Variants in DOCK2 observed in about 807,000 individuals in gnomAD.
The protein encoded by DOCK2 is dedicator of cytokinesis protein 2.
A neutral mutation model predicts 248.9 loss-of-function variants in DOCK2; 87 were observed. The observed-to-expected ratio is 0.35, with a 90% CI of 0.29 to 0.42. The LOEUF is 0.42. DOCK2 is among the 10% of genes least tolerant of loss of function. The pLI, the probability that DOCK2 is intolerant of heterozygous loss-of-function variation, is 1.00. For synonymous variants in DOCK2, 805 were observed against 821.6 expected (o/e 0.98, Z 0.35); for missense variants, 1,747 against 2,300.2 (o/e 0.76, Z 4.92).
At chr5:169,750,303 G>A (rs1200744519) in intron 23 of DOCK2, among the ~76,000 whole-genome samples, 1 of 152,224 alleles carries the variant, frequency 6.6e-6, no homozygotes, top group Admixed American at 6.5e-5. Flanking sequence ...AGAAGGCAGG[G>A]AAAGAAAGAA....
chr5:169,925,028 T>G (rs1449501406), intron 27 of DOCK2, among the ~76,000 whole-genome samples: 1 of 152,240 alleles, frequency 6.6e-6, no homozygotes, highest in Non-Finnish European at 1.5e-5. Flanking sequence ...AATTAAATCA[T>G]CAATAATATT....
Position 169,670,476 on chromosome 5 carries a change from T to C in DOCK2, c.169-66T>C. On this transcript the variant is annotated intron_variant, in intron 3 of 51. Transcript: ENST00000520908. Reference sequence around the variant, plus strand: ...GGAAAAAAATTATAAAGACGTAGGGTCATTCATTTCTGTGGTGATATATCT... The same window carrying C: ...GGAAAAAAATTATAAAGACGTAGGGCCATTCATTTCTGTGGTGATATATCT... The C allele has an allele frequency of 1.9e-6, 3 of 1,566,722 alleles. 1 individual carries two copies. The Middle Eastern group carries it at 5.5e-4, about 289-fold the overall frequency.
At chr5:169,985,981 T>C in intron 29 of DOCK2, 59 bp downstream of exon 29, 1 of 1,453,912 alleles carries the variant, frequency 6.9e-7, no homozygotes, top group Non-Finnish European at 9.4e-7. Flanking sequence ...CAAAGATCAC[T>C]TATTTTGGGT....
At chr5:169,670,987 G>A (rs558254773) in intron 4 of DOCK2, 91 bp from the exon 5 acceptor site, 22 of 1,046,650 alleles carry the variant, frequency 2.1e-5, no homozygotes, top group South Asian at 1.0e-4. Context: ...AGGCCCCTCC[G>A]CAGCTGCAGC....
intron 27 of DOCK2, chr5:169,980,170 T>C (rs1362095213): frequency 5.9e-5 from 9 of 151,988 alleles, no homozygotes; most frequent in Admixed American, 4.6e-4. Flanking sequence ...AGTCTCACTG[T>C]TGATTTAAGC....
chr5:169,841,263 C>G (rs931323589), intron 27 of DOCK2: 7 of 874,688 alleles, frequency 8.0e-6, no homozygotes, highest in Non-Finnish European at 9.8e-6. Flanking sequence ...GGCTTCATTG[C>G]GTGTTAATTC....
intron 29 of DOCK2, among the ~76,000 whole-genome samples, chr5:169,989,744 A>G (rs1778160841): frequency 1.3e-5 from 2 of 152,240 alleles, no homozygotes; most frequent in South Asian, 4.1e-4. Flanking sequence ...TGTGGCTAAT[A>G]ATGATACCTA....
intron 44 of DOCK2, among the ~76,000 whole-genome samples, chr5:170,063,500 A>G (rs1757399428): frequency 6.6e-6 from 1 of 152,218 alleles, no homozygotes; most frequent in African/African-American, 2.4e-5. Context: ...TCCAGTGGCT[A>G]CTTGATGGCC....
chr5:169,717,549 G>A, intron 21 of DOCK2, 65 bp downstream of exon 21: 2 of 1,455,718 alleles, frequency 1.4e-6, no homozygotes, highest in Non-Finnish European at 9.6e-7. Flanking sequence ...GATGCCTAGG[G>A]CACAGGAACT....
rs1281729227 is a variant in DOCK2 at position 169,763,535 on chromosome 5, C to T, written c.2554+1910C>T. On this transcript the variant is annotated intron_variant, in intron 25 of 51. Transcript: ENST00000520908. This position sits in a 1 kb window ranked among gnomAD's most constrained non-coding sequence, Gnocchi z 4.1. ...TGGGCTGGGCATGTGGTGTCAATTC[C>T]AGCCTCTTGGAAGTCGGAGTAATTC... 6.6e-6 allele frequency among the ~76,000 whole-genome samples: 1 copy of T among 152,190 alleles called. No individual in the cohort carries two copies. The highest frequency in any genetic ancestry group is 2.4e-5 in the African/African-American group (1 of 41,442).
At chr5:169,873,020 T>C (rs566400466) in intron 27 of DOCK2, among the ~76,000 whole-genome samples, 24 of 152,364 alleles carry the variant, frequency 1.6e-4, no homozygotes, top group Non-Finnish European at 2.5e-4. Context: ...CGGATCACTC[T>C]GTGATCACCT....
At position 170,011,660 on chromosome 5, in the gene DOCK2, C is replaced by T. The variant is rs114641117; in HGVS notation, c.3232+2914C>T. Among the ~76,000 whole-genome samples the T allele has an allele frequency of 1.9e-3, 295 of 152,288 alleles. 3 individuals carry two copies. The highest frequency in any genetic ancestry group is 6.8e-3 in the African/African-American group (282 of 41,560). On this transcript the variant is annotated intron_variant, in intron 32 of 51. Transcript: ENST00000520908. ...AATGCCTTGTAGCAGTTAACAGCCA[C>T]GTGTCCCAAGTCTGTCCCATGAGAA...
At chr5:169,670,070 A>C (rs1399310771) in intron 3 of DOCK2, among the ~76,000 whole-genome samples, 1 of 152,204 alleles carries the variant, frequency 6.6e-6, no homozygotes, top group Non-Finnish European at 1.5e-5. Context: ...TGCACCTAGG[A>C]ACATTGTTGC....
intron 37 of DOCK2, 72 bp downstream of exon 37, chr5:170,041,217 A>G: frequency 7.8e-7 from 1 of 1,287,524 alleles, no homozygotes; most frequent in South Asian, 1.2e-5. Context: ...TGAAGAGTGA[A>G]AAAAGAAAAA....
intron 23 of DOCK2, among the ~76,000 whole-genome samples, chr5:169,754,947 A>ATTTATTTATTTATTTATTTC (rs1764114899): frequency 1.3e-5 from 2 of 150,128 alleles, no homozygotes; most frequent in African/African-American, 4.9e-5. Context: ...TTATTTATTT[A>ATTTATTTATTTATTTATTTC]TTTATTTTTG....
At chr5:169,947,385 G>A (rs1776490483) in intron 27 of DOCK2, among the ~76,000 whole-genome samples, 1 of 152,234 alleles carries the variant, frequency 6.6e-6, no homozygotes, top group Admixed American at 6.5e-5. Context: ...TGAGTGCCAG[G>A]CACTGGGCTG....
chr5:169,911,355 C>A (rs926000641), intron 27 of DOCK2, among the ~76,000 whole-genome samples: 2 of 152,186 alleles, frequency 1.3e-5, no homozygotes, highest in Non-Finnish European at 1.5e-5. Context: ...TCCTTCACTT[C>A]TCTTTTCATG....
intron 27 of DOCK2, among the ~76,000 whole-genome samples, chr5:169,931,241 G>A (rs146147062): frequency 6.2e-4 from 94 of 152,320 alleles, no homozygotes; most frequent in African/African-American, 2.1e-3. Flanking sequence ...TCCCAAAGAC[G>A]ACCAGGAGAG....
At chr5:169,845,385 A>T (rs561507021) in intron 27 of DOCK2, among the ~76,000 whole-genome samples, 7 of 152,082 alleles carry the variant, frequency 4.6e-5, no homozygotes, top group African/African-American at 1.7e-4. Flanking sequence ...CTCTATTTGT[A>T]GGCTCTCCCC....
Sources: gnomAD v4.1 joint callset for allele counts (sites outside exome capture counted in the v4.1 genomes callset) on GRCh38, gnomAD v4.1.1 for gene constraint, Gnocchi (gnomAD v3.1) non-coding constraint, MANE v1.5 for transcripts, NCBI Gene and HGNC (gene_info 2026-07-23, HGNC 2026-07-21) for gene names.